PRR16: variants seen among roughly 807,000 people sequenced by gnomAD.
The protein encoded by PRR16 is proline rich 16, also known as protein Largen.
PRR16 carries 6 observed loss-of-function variants against 18.2 expected under a neutral mutation model. The observed-to-expected ratio is 0.33, with a 90% CI of 0.18 to 0.65. The LOEUF is 0.65. Among genes scored for constraint, PRR16 ranks in the 30% least tolerant of loss-of-function variants. PRR16 has a pLI of 0.74. For missense variants in PRR16, 412 were observed against 376.6 expected (o/e 1.09, Z -0.78); for synonymous variants, 151 against 147.8 (o/e 1.02, Z -0.16).
the PRR16 span, among the ~76,000 whole-genome samples, chr5:120,754,282 AAATATATAATATAT>A: frequency 9.5e-5 from 9 of 94,844 alleles, no homozygotes; most frequent in Admixed American, 8.3e-4. Context: ...AATAATATAT[AAATATATAATATAT>A]AATATATAAT....
the PRR16 span, among the ~76,000 whole-genome samples, chr5:120,721,314 G>T: frequency 6.6e-6 from 1 of 151,720 alleles, no homozygotes. Flanking sequence ...TACATTATGG[G>T]GCATGTTGTA....
Position 120,500,259 on chromosome 5 carries a change from A to G in PRR16, c.159+35614A>G, listed in dbSNP as rs368385966. On this transcript the variant is annotated intron_variant, in intron 1 of 1. Coordinates refer to ENST00000407149, the MANE Select transcript of PRR16 (RefSeq NM_001300783.2). ...TTCCAGGTTACTAGTTTCTTCAGCT[A>G]CAAGTCTGGAATACATTAGGCAAAA... 3.3e-5 allele frequency among the ~76,000 whole-genome samples: 5 copies of G among 152,316 alleles called. No individual in the cohort carries two copies. In the East Asian group the frequency reaches 9.6e-4, roughly 29 times the overall value.
intron 1 of PRR16, among the ~76,000 whole-genome samples, chr5:120,622,997 G>T (rs976142547): frequency 2.0e-5 from 3 of 151,998 alleles, no homozygotes; most frequent in African/African-American, 7.2e-5. Flanking sequence ...CTTGGAATTA[G>T]GGATTAATTT....
At chr5:120,634,240 G>C (rs569088519) in intron 1 of PRR16, among the ~76,000 whole-genome samples, 1 of 152,246 alleles carries the variant, frequency 6.6e-6, no homozygotes, top group South Asian at 2.1e-4. Context: ...CGATAATAGT[G>C]ACACAACCTA....
chr5:120,779,972 T>G, the PRR16 span, among the ~76,000 whole-genome samples: 1 of 152,196 alleles, frequency 6.6e-6, no homozygotes, highest in Non-Finnish European at 1.5e-5. Context: ...TGTTTATGTC[T>G]CTTTATAAAG....
intron 1 of PRR16, among the ~76,000 whole-genome samples, chr5:120,652,903 A>G (rs1487479904): frequency 1.3e-5 from 2 of 152,018 alleles, no homozygotes; most frequent in African/African-American, 4.8e-5. Context: ...TGAAGGGTGT[A>G]TGTTAACTCT....
intron 1 of PRR16, among the ~76,000 whole-genome samples, chr5:120,578,862 C>T (rs1753168253): frequency 6.6e-6 from 1 of 152,108 alleles, no homozygotes; most frequent in South Asian, 2.1e-4. Context: ...ACATTCCCAC[C>T]AACAGTGTAA....
chr5:120,552,782 A>C (rs1752293760), intron 1 of PRR16, among the ~76,000 whole-genome samples: 1 of 151,952 alleles, frequency 6.6e-6, no homozygotes, highest in Admixed American at 6.6e-5. Context: ...ATCTTTGAGA[A>C]CATCATGACT....
At chr5:120,740,750 G>C in the PRR16 span, among the ~76,000 whole-genome samples, 1 of 152,226 alleles carries the variant, frequency 6.6e-6, no homozygotes, top group South Asian at 2.1e-4. Flanking sequence ...AATTGGGGGA[G>C]GGGGACAGAT....
At chr5:120,500,662 T>C (rs1750418915) in intron 1 of PRR16, among the ~76,000 whole-genome samples, 1 of 152,220 alleles carries the variant, frequency 6.6e-6, no homozygotes, top group Non-Finnish European at 1.5e-5. Flanking sequence ...TATTCCAAAT[T>C]AGATAATGGA....
the PRR16 span, among the ~76,000 whole-genome samples, chr5:120,698,660 C>T: frequency 4.6e-5 from 7 of 152,002 alleles, no homozygotes; most frequent in South Asian, 2.1e-4. Flanking sequence ...TAAAAAGGAG[C>T]GTCTATACAG....
At chr5:120,502,936 T>C (rs1313149462) in intron 1 of PRR16, among the ~76,000 whole-genome samples, 6 of 152,178 alleles carry the variant, frequency 3.9e-5, no homozygotes, top group Non-Finnish European at 8.8e-5. Flanking sequence ...AACCTTCTCA[T>C]ATCATATAGC....
At chr5:120,748,672 A>G in the PRR16 span, among the ~76,000 whole-genome samples, 2 of 152,164 alleles carry the variant, frequency 1.3e-5, no homozygotes, top group African/African-American at 4.8e-5. Context: ...AGCTAAACTC[A>G]GAGGATTGAA....
intron 1 of PRR16, among the ~76,000 whole-genome samples, chr5:120,623,404 T>A (rs1351882327): frequency 6.6e-6 from 1 of 152,190 alleles, no homozygotes; most frequent in Non-Finnish European, 1.5e-5. Context: ...TACTTCAGTG[T>A]AATTATTAGA....
intron 1 of PRR16, among the ~76,000 whole-genome samples, chr5:120,510,884 A>G (rs144458252): frequency 1.3e-5 from 2 of 152,176 alleles, no homozygotes; most frequent in Admixed American, 1.3e-4. Flanking sequence ...TGTTTCTTTC[A>G]TCTGAGAAAT....
intron 1 of PRR16, among the ~76,000 whole-genome samples, chr5:120,614,137 G>A (rs1380732393): frequency 1.3e-5 from 2 of 152,176 alleles, no homozygotes; most frequent in Admixed American, 1.3e-4. Context: ...TAATCAAACT[G>A]TGACCCTGCA....
At chr5:120,768,527 A>G in the PRR16 span, among the ~76,000 whole-genome samples, 1 of 151,720 alleles carries the variant, frequency 6.6e-6, no homozygotes, top group Non-Finnish European at 1.5e-5. Flanking sequence ...GTGAATACCT[A>G]CCTTCAGGAA....
the PRR16 span, among the ~76,000 whole-genome samples, chr5:120,713,561 T>A: frequency 6.6e-6 from 1 of 152,196 alleles, no homozygotes; most frequent in Non-Finnish European, 1.5e-5. Context: ...TGTGAAGTTT[T>A]AATTTTAAAA....
the PRR16 span, among the ~76,000 whole-genome samples, chr5:120,704,999 T>C: frequency 3.9e-5 from 6 of 152,054 alleles, no homozygotes; most frequent in African/African-American, 1.4e-4. Flanking sequence ...TAAGATTAGT[T>C]TAGAGTGGGA....
Sources: allele counts gnomAD v4.1 joint callset (sites outside exome capture counted in the v4.1 genomes callset), GRCh38; gene constraint gnomAD v4.1.1; transcripts MANE v1.5; gene names NCBI Gene and HGNC (gene_info 2026-07-23, HGNC 2026-07-21).